The following RABGAP1 variants were observed in gnomAD, a reference collection of about 807,000 sequenced individuals.
RABGAP1 encodes the protein RAB GTPase activating protein 1, also known as rab GTPase-activating protein 1.
RABGAP1 carries 23 observed loss-of-function variants against 137.6 expected under a neutral mutation model. The ratio of observed to expected loss-of-function variants is 0.17; its 90% CI spans 0.12 to 0.24. The LOEUF is 0.24. Among genes scored for constraint, RABGAP1 ranks in the 10% least tolerant of loss-of-function variants. RABGAP1 has a pLI of 1.00. For missense variants in RABGAP1, 906 were observed against 1,275.8 expected, an observed-to-expected ratio of 0.71 and a Z score of 4.42; for synonymous variants, 451 against 450.7, an observed-to-expected ratio of 1.00 and a Z score of -0.01.
chr9:123,035,042 T>G, intron 13 of RABGAP1: 3 of 1,614,050 alleles, frequency 1.9e-6, no homozygotes, highest in Non-Finnish European at 2.5e-6. Flanking sequence ...TACTCGACCC[T>G]GGTCTTCCTG....
chr9:122,982,324 G>A (rs917229285), intron 2 of RABGAP1, among the ~76,000 whole-genome samples: 9 of 152,172 alleles, frequency 5.9e-5, no homozygotes, highest in African/African-American at 1.4e-4. Context: ...CAAGATAAAC[G>A]TGTAAACACA....
intron 16 of RABGAP1, 41 bp downstream of exon 16, chr9:123,073,718 A>G (rs757138138): frequency 6.2e-7 from 1 of 1,607,714 alleles, no homozygotes. Context: ...AAAAGAGTAC[A>G]GGACTAAGGA....
intron 3 of RABGAP1, 83 bp downstream of exon 3, chr9:122,984,802 G>GA (rs1836281414): frequency 7.9e-7 from 1 of 1,265,992 alleles, no homozygotes; most frequent in East Asian, 2.5e-5. Context: ...GTTTTATTTA[G>GA]AACAGGCAAA....
intron 1 of RABGAP1, among the ~76,000 whole-genome samples, chr9:122,945,147 CT>C (rs202090815): frequency 0.33 from 24,805 of 75,958 alleles, 6,526 homozygotes; most frequent in East Asian, 0.76. Flanking sequence ...ATAGCTGTTG[CT>C]TTTTTTTTTT....
intron 6 of RABGAP1, 93 bp from the exon 7 acceptor site, chr9:122,995,948 G>T: frequency 6.8e-7 from 1 of 1,478,662 alleles, no homozygotes; most frequent in Non-Finnish European, 8.9e-7. Flanking sequence ...GCACAGAAAA[G>T]AATCAGAGAT....
In RABGAP1 at chr9:123,103,087, G is replaced by T; in HGVS notation, c.3088-4G>T. ...CATCCTCATGCACACTGTTCCTCTTGCAGGACTTGGAACACCATTTAGGGC... is the reference window on the plus strand; with the variant it reads ...CATCCTCATGCACACTGTTCCTCTTTCAGGACTTGGAACACCATTTAGGGC... On this transcript the variant is annotated splice_polypyrimidine_tract_variant and splice_region_variant and intron_variant, in intron 25 of 25. Coordinates refer to ENST00000373647, the MANE Select transcript of RABGAP1 (RefSeq NM_012197.4). The T allele has an allele frequency of 6.2e-7, 1 of 1,613,466 alleles. No individual in the cohort carries two copies. The highest frequency in any genetic ancestry group is 1.7e-5 in the Admixed American group (1 of 59,970).
chr9:123,019,299 C>T (rs1461358887), intron 12 of RABGAP1, among the ~76,000 whole-genome samples: 1 of 152,106 alleles, frequency 6.6e-6, no homozygotes, highest in Non-Finnish European at 1.5e-5. Flanking sequence ...TTTATTTTAA[C>T]TTAGAACATA....
intron 13 of RABGAP1, chr9:123,029,249 CAGTT>C (rs2032162014): frequency 6.3e-6 from 3 of 474,434 alleles, no homozygotes; most frequent in Non-Finnish European, 1.1e-5. Context: ...TTTGGAATGA[CAGTT>C]ACATAAATAA....
chr9:123,017,881 C>CA (rs1008094102), intron 12 of RABGAP1, among the ~76,000 whole-genome samples: 8 of 152,314 alleles, frequency 5.3e-5, no homozygotes, highest in Non-Finnish European at 1.0e-4. Flanking sequence ...GTAAATGTCA[C>CA]AACCAGAATT....
At chr9:122,996,410 C>G in intron 7 of RABGAP1, 129 bp from the exon 8 acceptor site, 2 of 1,121,014 alleles carry the variant, frequency 1.8e-6, no homozygotes, top group South Asian at 3.4e-5. Flanking sequence ...ATTTTAGCAA[C>G]ACAAATTTAT....
At chr9:122,941,336 CA>C (rs776277806) in intron 1 of RABGAP1, among the ~76,000 whole-genome samples, 1 of 152,224 alleles carries the variant, frequency 6.6e-6, no homozygotes, top group Non-Finnish European at 1.5e-5. Flanking sequence ...AGCCCCTGCC[CA>C]AACCGGTTCC....
At position 123,010,451 on chromosome 9, in the gene RABGAP1, G is replaced by T. The variant is rs2030700654; in HGVS notation, c.1472G>T (p.Ser491Ile). ...SERERRKTTA[S>I]PSVRLPQSGS... Reference sequence around the variant, plus strand: ...AGAGAGAGGAGGAAAACTACAGCCAGTCCTTCAGTTCGCCTGCCACAGTCT... The same window carrying T: ...AGAGAGAGGAGGAAAACTACAGCCATTCCTTCAGTTCGCCTGCCACAGTCT... Residue 491 changes from serine to isoleucine, a missense_variant, in exon 11 of 26, where the codon AGT becomes ATT. By Grantham distance (142) the Ser-to-Ile change is moderately radical. Around this residue, in one of 9 missense-constraint regions of RABGAP1, gnomAD observed 212 missense variants for 289.4 expected, o/e 0.73. Transcript: ENST00000373647. The T allele has an allele frequency of 6.2e-7, 1 of 1,612,794 alleles. No homozygotes were observed. The highest frequency in any genetic ancestry group is 1.1e-5 in the South Asian group (1 of 91,034).
intron 17 of RABGAP1, among the ~76,000 whole-genome samples, chr9:123,074,885 C>G (rs2034464818): frequency 6.6e-6 from 1 of 152,116 alleles, no homozygotes; most frequent in East Asian, 1.9e-4. Flanking sequence ...AAGAGACTTC[C>G]TGGAAGTTCC....
At chr9:123,082,303 G>A (rs2791437) in intron 19 of RABGAP1, among the ~76,000 whole-genome samples, 20,944 of 151,940 alleles carry the variant, frequency 0.14, 1,997 homozygotes, top group Middle Eastern at 0.21. Context: ...AACTTCTCCC[G>A]CTTTATGGGT....
intron 10 of RABGAP1, among the ~76,000 whole-genome samples, chr9:123,001,925 A>T (rs1380250777): frequency 6.6e-6 from 1 of 152,216 alleles, no homozygotes; most frequent in Non-Finnish European, 1.5e-5. Context: ...AGCATTGATT[A>T]TTTAGATGGA....
chr9:122,995,850 T>A (rs1321226989), intron 6 of RABGAP1, among the ~76,000 whole-genome samples, 191 bp from the exon 7 acceptor site: 1 of 152,192 alleles, frequency 6.6e-6, no homozygotes, highest in African/African-American at 2.4e-5. Flanking sequence ...ATTACAGGTG[T>A]AAGCCATAGT....
chr9:123,047,338 G>A (rs1334346853), intron 13 of RABGAP1, among the ~76,000 whole-genome samples: 1 of 152,174 alleles, frequency 6.6e-6, no homozygotes, highest in African/African-American at 2.4e-5. Flanking sequence ...GAAGGGTAAA[G>A]TTTTTGCTTA....
chr9:123,020,913 A>T, intron 13 of RABGAP1: 1 of 910,668 alleles, frequency 1.1e-6, no homozygotes, highest in Non-Finnish European at 1.3e-6. Flanking sequence ...AAGTGAAAAA[A>T]ATCTCATTTG....
chr9:122,992,477 C>T (rs1836780966), intron 6 of RABGAP1, among the ~76,000 whole-genome samples: 4 of 152,038 alleles, frequency 2.6e-5, no homozygotes, highest in Non-Finnish European at 5.9e-5. Context: ...GTAGAATGAT[C>T]ATAAACATCT....
Sources: gnomAD v4.1 joint callset for allele counts (sites outside exome capture counted in the v4.1 genomes callset) on GRCh38, gnomAD v4.1.1 for gene constraint, gnomAD v4.1.1 regional missense constraint, MANE v1.5 for transcripts, NCBI Gene and HGNC (gene_info 2026-07-23, HGNC 2026-07-21) for gene names.